BANP: variants seen among roughly 807,000 people sequenced by gnomAD.
BANP encodes the protein protein BANP.
Under a neutral mutation model 68.1 loss-of-function variants are expected in BANP, and 11 were observed. The ratio of observed to expected loss-of-function variants is 0.16; its 90% CI spans 0.10 to 0.27. The LOEUF is 0.27. Ranked by LOEUF, BANP falls within the 10% of genes least tolerant of loss-of-function variation. BANP has a pLI of 1.00. For synonymous variants in BANP, 329 were observed against 303.2 expected, an observed-to-expected ratio of 1.09 and a Z score of -0.88; for missense variants, 504 against 722.7, an observed-to-expected ratio of 0.70 and a Z score of 3.47.
intron 8 of BANP, among the ~76,000 whole-genome samples, chr16:88,029,294 G>A (rs1379085095): frequency 2.5e-5 from 3 of 120,266 alleles, no homozygotes; most frequent in Non-Finnish European, 3.3e-5. Flanking sequence ...GTGACAGAGC[G>A]AGACTGTATC....
At chr16:88,034,700 T>C (rs980074273) in intron 9 of BANP, among the ~76,000 whole-genome samples, 10 of 152,230 alleles carry the variant, frequency 6.6e-5, no homozygotes, top group Admixed American at 6.5e-4. Flanking sequence ...TTTCTGTGTG[T>C]CATGCACATT....
In BANP at chr16:88,064,759, C is replaced by T. The variant is rs1025469935; in HGVS notation, c.1312-508C>T. On this transcript the variant is annotated intron_variant, in intron 11 of 13. Transcript: ENST00000682872. This position sits in a 1 kb window ranked among gnomAD's most constrained non-coding sequence, Gnocchi z 4.5. Reference sequence around the variant, plus strand: ...TGGTGCCTTCATGCGGTTGGGGGTGCTGCCGCTCTTGCCCGCAGGGCACTC... The same window carrying T: ...TGGTGCCTTCATGCGGTTGGGGGTGTTGCCGCTCTTGCCCGCAGGGCACTC... Among the ~76,000 whole-genome samples the T allele has an allele frequency of 6.6e-6, 1 of 152,230 alleles. No individual in the cohort carries two copies. The highest frequency in any genetic ancestry group is 2.4e-5 in the African/African-American group (1 of 41,472).
At chr16:88,075,689 C>T (rs575048107) in intron 13 of BANP, among the ~76,000 whole-genome samples, 4 of 151,490 alleles carry the variant, frequency 2.6e-5, no homozygotes, top group East Asian at 1.9e-4. Context: ...GGGCGTGTTC[C>T]GTGTGGCTGA....
intron 6 of BANP, among the ~76,000 whole-genome samples, chr16:88,007,448 T>G (rs1333110348): frequency 6.6e-6 from 1 of 152,196 alleles, no homozygotes; most frequent in Non-Finnish European, 1.5e-5. Flanking sequence ...CGCCTGGCCC[T>G]CGGCCTGCCC....
At chr16:87,990,096 C>T (rs1206663253) in intron 4 of BANP, among the ~76,000 whole-genome samples, 1 of 152,226 alleles carries the variant, frequency 6.6e-6, no homozygotes, top group Admixed American at 6.5e-5. Context: ...TTTTCATTAA[C>T]TGAACATACT....
chr16:88,024,403 G>A (rs906064146), intron 7 of BANP, among the ~76,000 whole-genome samples: 3 of 152,200 alleles, frequency 2.0e-5, no homozygotes, highest in African/African-American at 7.2e-5. Context: ...AAAAAAAAAT[G>A]TCTGTCAAAT....
intron 10 of BANP, among the ~76,000 whole-genome samples, chr16:88,035,886 A>T (rs1196055622): frequency 6.6e-6 from 1 of 152,228 alleles, no homozygotes; most frequent in African/African-American, 2.4e-5. Context: ...AGAGCTGCTC[A>T]TAGCCCTTGA....
chr16:88,017,261 T>C (rs1353783734), intron 6 of BANP: 7 of 152,212 alleles, frequency 4.6e-5, no homozygotes, highest in Non-Finnish European at 7.3e-5. Context: ...GCGTCCCTCA[T>C]AGGTCCCGGC....
intron 1 of BANP, among the ~76,000 whole-genome samples, chr16:87,955,613 C>T (rs2057886402): frequency 6.6e-6 from 1 of 152,202 alleles, no homozygotes. Context: ...CGTGTGGCCG[C>T]CCTGTCTCCT....
intron 11 of BANP, among the ~76,000 whole-genome samples, chr16:88,046,527 T>A (rs906954424): frequency 5.9e-5 from 9 of 152,136 alleles, no homozygotes; most frequent in African/African-American, 1.7e-4. Context: ...GTTCTTTTTT[T>A]AATTTTTTAA....
intron 7 of BANP, among the ~76,000 whole-genome samples, chr16:88,024,749 C>T (rs2076660537): frequency 6.6e-6 from 1 of 152,242 alleles, no homozygotes; most frequent in African/African-American, 2.4e-5. Flanking sequence ...AGGCTGGGGC[C>T]TGGAGCGCAG....
At chr16:87,959,284 T>G (rs1290230319) in intron 1 of BANP, among the ~76,000 whole-genome samples, 1 of 152,250 alleles carries the variant, frequency 6.6e-6, no homozygotes, top group Non-Finnish European at 1.5e-5. Flanking sequence ...TATTGTTCTT[T>G]TGTTATTTTT....
rs139794843 is a variant in BANP at position 88,021,876 on chromosome 16, T to C, written c.895+3209T>C. Among the ~76,000 whole-genome samples the C allele has an allele frequency of 3.7e-3, 567 of 152,290 alleles. 4 individuals carry two copies. The highest frequency in any genetic ancestry group is 0.013 in the African/African-American group (550 of 41,570). ...AGATTTTGATTTAAGTTTCTCCTTA[T>C]TTGTCAGCAGAAAGATTTTCTTTCT... On this transcript the variant is annotated intron_variant, in intron 7 of 13. Transcript: ENST00000682872.
chr16:88,047,133 T>G (rs2082215053), intron 11 of BANP, among the ~76,000 whole-genome samples: 1 of 152,108 alleles, frequency 6.6e-6, no homozygotes, highest in African/African-American at 2.4e-5. Flanking sequence ...CATGAACTCG[T>G]GCGGTCCTGG....
At chr16:87,976,669 G>A (rs1256098104) in intron 2 of BANP, among the ~76,000 whole-genome samples, 2 of 152,052 alleles carry the variant, frequency 1.3e-5, no homozygotes, top group Non-Finnish European at 2.9e-5. Context: ...AAAGTCTGAT[G>A]TCCGTTCATA....
Position 87,957,049 on chromosome 16 carries a change from A to G in BANP, c.-69+5534A>G, listed in dbSNP as rs1378296471. 6.6e-6 allele frequency: 1 copy of G among 152,102 alleles called. No individual in the cohort carries two copies. The highest frequency in any genetic ancestry group is 6.5e-5 in the Admixed American group (1 of 15,278). The allele number at this position is 152,102 out of a possible 1,614,324, so 9.4% of individuals were successfully genotyped here. On this transcript the variant is annotated intron_variant, in intron 1 of 13. Coordinates refer to ENST00000682872, the MANE Select transcript of BANP (RefSeq NM_001386991.1). The surrounding 1 kb of genome is among the most constrained non-coding windows in gnomAD (Gnocchi z 4.3). ...GCCGAGATACTGTGAAGTCACATGA[A>G]CTTGATTCCTGTTGGAAAGAACCAC...
chr16:87,954,839 G>A (rs539946936), intron 1 of BANP, among the ~76,000 whole-genome samples: 1 of 152,216 alleles, frequency 6.6e-6, no homozygotes, highest in East Asian at 1.9e-4. Context: ...TCACCCGTAC[G>A]GCCAGTCACT....
chr16:87,974,827 G>A (rs926780762), intron 1 of BANP, among the ~76,000 whole-genome samples: 10 of 152,268 alleles, frequency 6.6e-5, no homozygotes, highest in East Asian at 5.8e-4. Context: ...CGGGTGGCTC[G>A]TCCAGTGGTT....
chr16:87,975,111 T>A lies in BANP; in HGVS notation c.-5T>A. 6.2e-7 allele frequency: 1 copy of A among 1,613,888 alleles called. No homozygotes were observed. Among genetic ancestry groups the A allele is most frequent in the Non-Finnish European group, 8.5e-7 (1 of 1,179,864 alleles). ...CGTGTTGACCGGCCACTCTCCGTGC[T>A]CTGGATGATGTCGGAACACGACCTG... is the stretch of plus-strand genomic sequence containing the variant. On this transcript the variant is annotated 5_prime_UTR_variant, in exon 2 of 14. Coordinates refer to ENST00000682872, the MANE Select transcript of BANP (RefSeq NM_001386991.1).
Sources: allele counts gnomAD v4.1 joint callset (sites outside exome capture counted in the v4.1 genomes callset), GRCh38; gene constraint gnomAD v4.1.1; non-coding constraint Gnocchi (gnomAD v3.1); transcripts MANE v1.5; gene names NCBI Gene and HGNC (gene_info 2026-07-23, HGNC 2026-07-21).